UBE2A: variants seen among roughly 807,000 people sequenced by gnomAD.
The protein encoded by UBE2A is ubiquitin-conjugating enzyme E2 A.
For missense variants in UBE2A, 27 were observed against 125.8 expected (o/e 0.21, Z 3.76); for synonymous variants, 39 against 41.1 (o/e 0.95, Z 0.20).
rs2053442506 is a variant in UBE2A, at chrX:119,580,380, CA to C, written c.152-1122del. The C allele has an allele frequency of 4.5e-5, 5 of 111,462 alleles. No homozygotes were observed. The Admixed American group carries it at 4.8e-4, about 11-fold the overall frequency. 9.2% of individuals were successfully genotyped at this position (111,462 alleles called of 1,213,427 possible). A position where few individuals can be genotyped will look rare whatever the true frequency, so the allele number is the denominator to read the frequency against. ...GCAGTGATAAACCTTTTAATGAGAA[CA>C]AAAAGGAAATAAATTGCTAACTCTG... On this transcript the variant is annotated intron_variant, in intron 3 of 5. Coordinates refer to ENST00000371558, the MANE Select transcript of UBE2A (RefSeq NM_003336.4).
chrX:119,582,406 G>C (rs372050833), intron 4 of UBE2A, 182 bp from the exon 5 acceptor site: 1 of 376,128 alleles, frequency 2.7e-6, no homozygotes, highest in South Asian at 3.6e-5. Flanking sequence ...GACATTCTCT[G>C]ATCATCCTGA....
At position 119,574,818 on chromosome X, in the gene UBE2A, C is replaced by G; in HGVS notation, c.44+63C>G. 3 of 1,195,132 alleles carry G rather than the reference C, an allele frequency of 2.5e-6. No homozygotes were observed. The South Asian group carries it at 5.4e-5, about 22-fold the overall frequency. On this transcript the variant is annotated intron_variant, in intron 1 of 5. Transcript: ENST00000371558. ...CTGGGGCACAGGGCGGGTCCCGAGG[C>G]GCGCCGGGCGGGGAGGGCTGGGGAG...
chrX:119,574,802 A>G lies in UBE2A; in HGVS notation c.44+47A>G, dbSNP rs771509202. The G allele has an allele frequency of 5.9e-6, 7 of 1,186,181 alleles. No individual in the cohort carries two copies. In the African/African-American group the frequency reaches 8.7e-5, roughly 15 times the overall value. On this transcript the variant is annotated intron_variant, in intron 1 of 5. Coordinates refer to ENST00000371558, the MANE Select transcript of UBE2A (RefSeq NM_003336.4). ...GGCCGGGGGTTGCGAGCTGGGGCAC[A>G]GGGCGGGTCCCGAGGCGCGCCGGGC...
At chrX:119,577,790 A>C (rs2053427132) in intron 3 of UBE2A, among the ~76,000 whole-genome samples, 1 of 108,978 alleles carries the variant, frequency 9.2e-6, no homozygotes, top group Admixed American at 9.9e-5. Context: ...GCAGGCACCT[A>C]CCACCATGCC....
chrX:119,579,273 A>G (rs1261971119), intron 3 of UBE2A, among the ~76,000 whole-genome samples: 2 of 112,182 alleles, frequency 1.8e-5, no homozygotes, highest in Admixed American at 9.4e-5. Flanking sequence ...GCTCAAGTCA[A>G]GGAACTTGTG....
At chrX:119,575,294 A>T in intron 2 of UBE2A, 81 bp from the exon 3 acceptor site, 1 of 1,165,422 alleles carries the variant, frequency 8.6e-7, no homozygotes, top group Non-Finnish European at 1.2e-6. Flanking sequence ...GAGATGGCAG[A>T]GCTCGGGATA....
At position 119,581,522 on chromosome X, in the gene UBE2A, C is replaced by A; in HGVS notation, c.167C>A (p.Thr56Lys). The part of the protein sequence containing the change: ...TPFEDGTFKL[T>K]IEFTEEYPNK... Reference sequence around the variant, plus strand: ...CTAACCACAGGAACATTTAAACTTACAATAGAATTCACTGAAGAATATCCA... The same window carrying A: ...CTAACCACAGGAACATTTAAACTTAAAATAGAATTCACTGAAGAATATCCA... Residue 56 changes from threonine (T) to lysine (K), a missense_variant, in exon 4 of 6, where the codon ACA (threonine) becomes AAA (lysine). Thr to Lys is a moderately conservative substitution (Grantham distance 78). Transcript: ENST00000371558. 8.4e-7 allele frequency: 1 copy of A among 1,193,718 alleles called. No homozygotes were observed. Among genetic ancestry groups the A allele is most frequent in the African/African-American group, 1.7e-5 (1 of 57,552 alleles).
At chrX:119,581,378 G>C (rs2053449548) in intron 3 of UBE2A, 129 bp from the exon 4 acceptor site, 1 of 455,769 alleles carries the variant, frequency 2.2e-6, no homozygotes, top group Non-Finnish European at 3.9e-6. Context: ...TTTCTTACCT[G>C]GCCTTTCCTC....
At position 119,584,363 on chromosome X, in the gene UBE2A, C is replaced by T. The variant is rs2053473907; in HGVS notation, c.*1108C>T. Reference sequence around the variant, plus strand: ...CCAAATCTAACTTTGCACAAGTAACCCATGTAAAAAAAAATGTACATTTTT... The same window carrying T: ...CCAAATCTAACTTTGCACAAGTAACTCATGTAAAAAAAAATGTACATTTTT... On this transcript the variant is annotated 3_prime_UTR_variant, in exon 6 of 6. Transcript: ENST00000371558. The T allele has an allele frequency of 9.1e-6, 1 of 109,616 alleles. No individual in the cohort carries two copies. The highest frequency in any genetic ancestry group is 1.9e-5 in the Non-Finnish European group (1 of 52,630). 9.0% of individuals were successfully genotyped at this position (109,616 alleles called of 1,213,427 possible).
At chrX:119,574,797 G>C in intron 1 of UBE2A, 42 bp downstream of exon 1, 1 of 1,185,547 alleles carries the variant, frequency 8.4e-7, no homozygotes, top group East Asian at 3.1e-5. Flanking sequence ...TGCGAGCTGG[G>C]GCACAGGGCG....
In UBE2A at chrX:119,582,580, G is replaced by T. The variant is rs2053456951; in HGVS notation, c.242-8G>T. On this transcript the variant is annotated splice_region_variant and splice_polypyrimidine_tract_variant and intron_variant, in intron 4 of 5. Coordinates refer to ENST00000371558, the MANE Select transcript of UBE2A (RefSeq NM_003336.4). The stretch of plus-strand genomic sequence containing the variant: ...TTACGTTTAATGTACCTACTTCTTT[G>T]TTCTTAGTCTATGCAGATGGTAGTA... 1 of 1,191,710 alleles carries T rather than the reference G, an allele frequency of 8.4e-7. No homozygotes were observed.
intron 3 of UBE2A, among the ~76,000 whole-genome samples, chrX:119,577,612 T>C (rs1190736449): frequency 4.7e-5 from 5 of 105,362 alleles, no homozygotes; most frequent in East Asian, 3.0e-4. Context: ...TGGCCTGTGG[T>C]TCCCCCACAA....
intron 3 of UBE2A, among the ~76,000 whole-genome samples, chrX:119,578,009 G>A (rs956717755): frequency 1.8e-5 from 2 of 110,990 alleles, no homozygotes; most frequent in Non-Finnish European, 3.8e-5. Context: ...GACTGATTAG[G>A]GATAAGTGGC....
intron 4 of UBE2A, among the ~76,000 whole-genome samples, chrX:119,581,830 A>G (rs1375421544): frequency 8.9e-6 from 1 of 112,510 alleles, no homozygotes; most frequent in Non-Finnish European, 1.9e-5. Flanking sequence ...GACCTTTGTC[A>G]TTTACTTATT....
chrX:119,581,205 T>G, intron 3 of UBE2A: 1 of 178,249 alleles, frequency 5.6e-6, no homozygotes, highest in Non-Finnish European at 1.0e-5. Flanking sequence ...GAAGGCCAAA[T>G]TTTGGGCCCA....
Position 119,574,702 on chromosome X carries a change from C to T in UBE2A, c.-10C>T. ...CCAGTGTATGCCCCACCCCTGACCC[C>T]GCTCGCGACATGTCCACCCCGGCTC... On this transcript the variant is annotated 5_prime_UTR_variant, in exon 1 of 6. Transcript: ENST00000371558. The T allele has an allele frequency of 8.4e-7, 1 of 1,196,960 alleles. No homozygotes were observed. Among genetic ancestry groups the T allele is most frequent in the Non-Finnish European group, 1.1e-6 (1 of 888,806 alleles).
In UBE2A at chrX:119,574,604, G is replaced by A; in HGVS notation, c.-108G>A. The A allele has an allele frequency of 9.6e-7, 1 of 1,047,000 alleles. No homozygotes were observed. Among genetic ancestry groups the A allele is most frequent in the Non-Finnish European group, 1.3e-6 (1 of 770,301 alleles). The allele number at this position is 1,047,000 out of a possible 1,213,427, so 86.3% of individuals were successfully genotyped here. A position where few individuals can be genotyped will look rare whatever the true frequency, so the allele number is the denominator to read the frequency against. ...TCGGAGAGGCAGCGCGGTTCCTCTG[G>A]GTGCTTCCGCCTCCCCTTCTCCTGC... On this transcript the variant is annotated 5_prime_UTR_variant, in exon 1 of 6. Coordinates refer to ENST00000371558, the MANE Select transcript of UBE2A (RefSeq NM_003336.4).
chrX:119,581,799 T>A (rs926927103), intron 4 of UBE2A, among the ~76,000 whole-genome samples: 2 of 112,496 alleles, frequency 1.8e-5, no homozygotes, highest in African/African-American at 6.5e-5. Context: ...GCTTGGAGTC[T>A]GGGAGCCTCC....
chrX:119,575,099 C>T, intron 2 of UBE2A, 118 bp downstream of exon 2: 1 of 972,655 alleles, frequency 1.0e-6, no homozygotes. Flanking sequence ...TTGGGTCTGG[C>T]TGGGCCTAGG....
Sources: allele counts gnomAD v4.1 joint callset (sites outside exome capture counted in the v4.1 genomes callset), GRCh38; gene constraint gnomAD v4.1.1; transcripts MANE v1.5; gene names NCBI Gene and HGNC (gene_info 2026-07-23, HGNC 2026-07-21).